Variants in GARNL3 observed in about 807,000 individuals in gnomAD.
GARNL3 encodes GTPase activating Rap/RanGAP domain like 3.
In GARNL3, 63 loss-of-function variants were observed where a neutral mutation model predicts 125.0. That is an observed-to-expected ratio of 0.50 (90% CI 0.41 to 0.62). GARNL3 has a LOEUF of 0.62. Among genes scored for constraint, GARNL3 ranks in the 20% least tolerant of loss-of-function variants. GARNL3 has a pLI of 0.00. For synonymous variants in GARNL3, 439 were observed against 457.5 expected (o/e 0.96, Z 0.52); for missense variants, 994 against 1,244.0 (o/e 0.80, Z 3.02).
intron 5 of GARNL3, among the ~76,000 whole-genome samples, chr9:127,319,196 G>T (rs948499363): frequency 2.0e-5 from 3 of 152,066 alleles, no homozygotes; most frequent in African/African-American, 4.8e-5. Flanking sequence ...TGACTGAAAG[G>T]CACCAAGGCC....
At chr9:127,291,828 T>C (rs1741571407) in intron 2 of GARNL3, among the ~76,000 whole-genome samples, 1 of 151,840 alleles carries the variant, frequency 6.6e-6, no homozygotes. Flanking sequence ...CTTTTTCTTC[T>C]TTGCTGCCTT....
intron 22 of GARNL3, among the ~76,000 whole-genome samples, chr9:127,380,200 ATGTGTGTG>A (rs55906930): frequency 2.0e-4 from 28 of 141,746 alleles, no homozygotes; most frequent in African/African-American, 5.3e-4. Flanking sequence ...CTCAAAAAAT[ATGTGTGTG>A]TGTGTGTGTG....
chr9:127,381,676 A>G (rs1332330849), intron 22 of GARNL3, among the ~76,000 whole-genome samples: 1 of 151,852 alleles, frequency 6.6e-6, no homozygotes, highest in Non-Finnish European at 1.5e-5. Flanking sequence ...GGCTCACTGC[A>G]AGCTCCGCCT....
chr9:127,228,237 A>G (rs927207326), intron 1 of GARNL3, among the ~76,000 whole-genome samples: 1 of 152,242 alleles, frequency 6.6e-6, no homozygotes, highest in African/African-American at 2.4e-5. Context: ...CACTCTTACT[A>G]AAGATGCTGT....
chr9:127,353,356 TTTATC>T (rs1456814111), intron 17 of GARNL3, among the ~76,000 whole-genome samples: 4 of 152,336 alleles, frequency 2.6e-5, no homozygotes, highest in South Asian at 4.1e-4. Flanking sequence ...TGTGTTTATA[TTTATC>T]TTAAGTCCAA....
chr9:127,262,351 A>G (rs528813307), upstream of GARNL3, among the ~76,000 whole-genome samples: 5 of 152,210 alleles, frequency 3.3e-5, no homozygotes, highest in East Asian at 1.9e-4. Flanking sequence ...CATGTGGTCA[A>G]TCAGAGACCC....
chr9:127,290,064 A>G (rs1467036377), intron 1 of GARNL3, among the ~76,000 whole-genome samples: 2 of 152,064 alleles, frequency 1.3e-5, no homozygotes, highest in Non-Finnish European at 2.9e-5. Flanking sequence ...CCGTTATTTT[A>G]CCCTTCTCTG....
At chr9:127,355,736 A>C (rs1159645529) in intron 20 of GARNL3, among the ~76,000 whole-genome samples, 1 of 152,232 alleles carries the variant, frequency 6.6e-6, no homozygotes, top group Non-Finnish European at 1.5e-5. Flanking sequence ...ATTACTTTCC[A>C]GTTGACAGTT....
intron 7 of GARNL3, among the ~76,000 whole-genome samples, chr9:127,328,737 C>G (rs1266671082): frequency 4.6e-5 from 7 of 152,160 alleles, no homozygotes; most frequent in Non-Finnish European, 8.8e-5. Context: ...AGTTTCCCCC[C>G]ATAGTTTGTT....
At chr9:127,271,714 G>A (rs986934039) in intron 1 of GARNL3, among the ~76,000 whole-genome samples, 1 of 150,170 alleles carries the variant, frequency 6.7e-6, no homozygotes, top group Non-Finnish European at 1.5e-5. Flanking sequence ...TACAGTATCA[G>A]TGATAAATGG....
chr9:127,373,009 G>T (rs1245670984), intron 22 of GARNL3, among the ~76,000 whole-genome samples: 3 of 152,204 alleles, frequency 2.0e-5, no homozygotes, highest in Admixed American at 6.5e-5. Context: ...AAAGTTTTGT[G>T]TTACCTAATA....
chr9:127,264,384 TGTTA>T (rs1405628968), upstream of GARNL3: 4 of 390,296 alleles, frequency 1.0e-5, no homozygotes, highest in Non-Finnish European at 1.4e-5. Flanking sequence ...TTAGATTTTC[TGTTA>T]GTTCTGGTCT....
intron 3 of GARNL3, among the ~76,000 whole-genome samples, chr9:127,312,915 A>C (rs2065134036): frequency 6.6e-6 from 1 of 152,112 alleles, no homozygotes; most frequent in Admixed American, 6.5e-5. Context: ...GTAACAGAAA[A>C]CCTGACTCAA....
In GARNL3 at chr9:127,384,902, G is replaced by A. The variant is rs1832458634; in HGVS notation, c.2270-125G>A. 1.8e-6 allele frequency: 1 copy of A among 567,820 alleles called. No homozygotes were observed. Among genetic ancestry groups the A allele is most frequent in the Non-Finnish European group, 3.2e-6 (1 of 315,706 alleles). 35.2% of individuals were successfully genotyped at this position (567,820 alleles called of 1,614,324 possible). On this transcript the variant is annotated intron_variant, in intron 23 of 27. Coordinates refer to ENST00000373387, the MANE Select transcript of GARNL3 (RefSeq NM_032293.5). This position sits in a 1 kb window ranked among gnomAD's most constrained non-coding sequence, Gnocchi z 4.0. ...GTGACTTGCACATGTGAAGGAAGGAGAGAAGCAGCCAGAGGAATGAGAGAT... is the reference window on the plus strand; with the variant it reads ...GTGACTTGCACATGTGAAGGAAGGAAAGAAGCAGCCAGAGGAATGAGAGAT...
intron 1 of GARNL3, among the ~76,000 whole-genome samples, chr9:127,230,251 A>G (rs2062978052): frequency 6.6e-6 from 1 of 152,216 alleles, no homozygotes; most frequent in South Asian, 2.1e-4. Flanking sequence ...ACTCCTTTAT[A>G]AAATGACCTG....
rs1043196843 is a variant in GARNL3, at chr9:127,384,509, G to A, written c.2270-518G>A. Among the ~76,000 whole-genome samples, 25 of 152,306 alleles carry A rather than the reference G, an allele frequency of 1.6e-4. No individual in the cohort carries two copies. Among genetic ancestry groups the A allele is most frequent in the South Asian group, 2.1e-4 (1 of 4,830 alleles). ...ATAACTCAGCAAACCCCTTGATGCCGAGGGACACTGCGAGGGCCAGTGAGG... is the reference window on the plus strand; with the variant it reads ...ATAACTCAGCAAACCCCTTGATGCCAAGGGACACTGCGAGGGCCAGTGAGG... On this transcript the variant is annotated intron_variant, in intron 23 of 27. Coordinates refer to ENST00000373387, the MANE Select transcript of GARNL3 (RefSeq NM_032293.5). The surrounding 1 kb of genome is among the most constrained non-coding windows in gnomAD (Gnocchi z 4.0).
At chr9:127,253,828 G>A (rs1243212437) in intron 2 of GARNL3, among the ~76,000 whole-genome samples, 1 of 152,220 alleles carries the variant, frequency 6.6e-6, no homozygotes, top group East Asian at 1.9e-4. Context: ...TTAACAGGAA[G>A]AAGGGAGGAC....
chr9:127,355,256 C>T, intron 19 of GARNL3, 41 bp from the exon 20 acceptor site: 1 of 1,581,338 alleles, frequency 6.3e-7, no homozygotes, highest in Non-Finnish European at 8.7e-7. Context: ...GCTTCCACAC[C>T]CGCATGTCAT....
At chr9:127,335,366 A>G in intron 10 of GARNL3, 33 bp downstream of exon 10, 1 of 1,447,546 alleles carries the variant, frequency 6.9e-7, no homozygotes, top group African/African-American at 1.4e-5. Context: ...TCAAATAGTG[A>G]TGTGAATGTG....
Sources: gnomAD v4.1 joint callset for allele counts (sites outside exome capture counted in the v4.1 genomes callset) on GRCh38, gnomAD v4.1.1 for gene constraint, Gnocchi (gnomAD v3.1) non-coding constraint, MANE v1.5 for transcripts, NCBI Gene and HGNC (gene_info 2026-07-23, HGNC 2026-07-21) for gene names.